The following NACC2 variants were observed in gnomAD, a reference collection of about 807,000 sequenced individuals.
NACC2 encodes nucleus accumbens-associated protein 2.
In NACC2, 8 loss-of-function variants were observed where a neutral mutation model predicts 25.1. The observed-to-expected ratio is 0.32, with a 90% CI of 0.19 to 0.57. The LOEUF (loss-of-function observed/expected upper bound fraction) is 0.57. Ranked by LOEUF, NACC2 falls within the 20% of genes least tolerant of loss-of-function variation. The pLI is 0.89. For missense variants in NACC2, 644 were observed against 650.2 expected, an observed-to-expected ratio of 0.99 and a Z score of 0.10; for synonymous variants, 435 against 294.7, an observed-to-expected ratio of 1.48 and a Z score of -4.88.
At chr9:136,067,407 T>C (rs1250988726) in intron 1 of NACC2, among the ~76,000 whole-genome samples, 2 of 152,200 alleles carry the variant, frequency 1.3e-5, no homozygotes, top group Non-Finnish European at 1.5e-5. Flanking sequence ...ATGGTAATGG[T>C]TGCATAACTC....
Position 136,011,450 on chromosome 9 carries a change from G to C in NACC2, c.*66C>G. 7.7e-7 allele frequency: 1 copy of C among 1,301,036 alleles called. No individual in the cohort carries two copies. The highest frequency in any genetic ancestry group is 9.8e-7 in the Non-Finnish European group (1 of 1,023,096). The allele number at this position is 1,301,036 out of a possible 1,614,324, so 80.6% of individuals were successfully genotyped here. A position where few individuals can be genotyped will look rare whatever the true frequency, so the allele number is the denominator to read the frequency against. ...GTAGGTAAGTGGCTTGATCACATTT[G>C]TTTGTATTAGTAACGCATGCAAGCA... On this transcript the variant is annotated 3_prime_UTR_variant, in exon 6 of 6. Coordinates refer to ENST00000277554, the MANE Select transcript of NACC2 (RefSeq NM_144653.5).
chr9:136,035,449 G>A (rs1185734067), intron 2 of NACC2, among the ~76,000 whole-genome samples: 4 of 152,010 alleles, frequency 2.6e-5, no homozygotes, highest in African/African-American at 4.8e-5. Context: ...AATGAACTGC[G>A]CTTTTCAAAG....
At chr9:136,077,698 C>T (rs867616549) in intron 1 of NACC2, among the ~76,000 whole-genome samples, 1 of 152,122 alleles carries the variant, frequency 6.6e-6, no homozygotes, top group African/African-American at 2.4e-5. Flanking sequence ...TGTGGTCACC[C>T]GGGAAATGCG....
Position 136,066,341 on chromosome 9 carries a change from G to A in NACC2, c.-59-15761C>T, listed in dbSNP as rs147487728. Among the ~76,000 whole-genome samples the A allele has an allele frequency of 4.6e-3, 707 of 152,162 alleles. 16 individuals are homozygous for A. Among genetic ancestry groups the A allele is most frequent in the Admixed American group, 0.033 (506 of 15,270 alleles). ...ATAACTCAATTTAAAAATAGGCAAG[G>A]CATCTGAAAAGGTATTTCTCCAAAT... On this transcript the variant is annotated intron_variant, in intron 1 of 5. Transcript: ENST00000277554.
chr9:136,021,408 G>T (rs540880731), intron 2 of NACC2, among the ~76,000 whole-genome samples: 1 of 152,060 alleles, frequency 6.6e-6, no homozygotes, highest in African/African-American at 2.4e-5. Context: ...ACGTCCTGAC[G>T]ACGTGGTCTC....
At chr9:136,093,401 G>A (rs900702087) in intron 1 of NACC2, among the ~76,000 whole-genome samples, 1 of 152,174 alleles carries the variant, frequency 6.6e-6, no homozygotes, top group Non-Finnish European at 1.5e-5. Flanking sequence ...GCAGCCGGTG[G>A]TAAAGAACAG....
intron 1 of NACC2, among the ~76,000 whole-genome samples, chr9:136,089,546 C>G (rs1426859571): frequency 6.6e-6 from 1 of 151,888 alleles, no homozygotes; most frequent in Non-Finnish European, 1.5e-5. Context: ...GGCCTCTCCC[C>G]AAGAAGGTGA....
At chr9:136,089,457 G>A (rs1338676596) in intron 1 of NACC2, among the ~76,000 whole-genome samples, 2 of 152,028 alleles carry the variant, frequency 1.3e-5, no homozygotes, top group African/African-American at 4.8e-5. Context: ...TTCAGGTTCT[G>A]CTCTGCCTGA....
At chr9:136,044,926 G>A (rs1387878963) in intron 2 of NACC2, among the ~76,000 whole-genome samples, 2 of 152,202 alleles carry the variant, frequency 1.3e-5, no homozygotes, top group African/African-American at 4.8e-5. Flanking sequence ...GGGATGGACG[G>A]GGCCAGTGCT....
At chr9:136,035,879 C>T (rs1840544057) in intron 2 of NACC2, among the ~76,000 whole-genome samples, 1 of 152,314 alleles carries the variant, frequency 6.6e-6, no homozygotes, top group East Asian at 1.9e-4. Flanking sequence ...ACTTATCTTA[C>T]AACTTTTCTG....
At chr9:136,074,556 T>A (rs902133723) in intron 1 of NACC2, among the ~76,000 whole-genome samples, 1 of 151,018 alleles carries the variant, frequency 6.6e-6, no homozygotes, top group Admixed American at 6.6e-5. Context: ...TATTTAAAAT[T>A]ATGTATCATC....
rs1050060557 is a variant in NACC2 at position 136,016,377 on chromosome 9, G to T, written c.939C>A (p.Ile313=). The T allele has an allele frequency of 6.2e-7, 1 of 1,611,724 alleles. No individual in the cohort carries two copies. The highest frequency in any genetic ancestry group is 8.5e-7 in the Non-Finnish European group (1 of 1,179,928). Residue 313 remains isoleucine, a synonymous_variant, in exon 3 of 6, where the codon ATC becomes ATA. Coordinates refer to ENST00000277554, the MANE Select transcript of NACC2 (RefSeq NM_144653.5). ...VPLESRSCVL[I]RRDLVALPAS... ...CAGGTAGGGCCACGAGGTCGCGGCG[G>T]ATGAGGACGCAGGAGCGGCTCTCCA...
At chr9:136,037,052 G>C (rs1307555792) in intron 2 of NACC2, among the ~76,000 whole-genome samples, 1 of 152,118 alleles carries the variant, frequency 6.6e-6, no homozygotes, top group Non-Finnish European at 1.5e-5. Context: ...CAATCCAGAA[G>C]ACAAAGAATA....
chr9:136,085,670 A>T (rs573111411), intron 1 of NACC2, among the ~76,000 whole-genome samples: 1 of 152,346 alleles, frequency 6.6e-6, no homozygotes, highest in South Asian at 2.1e-4. Flanking sequence ...CTGGAACAAG[A>T]CACACAGGTA....
chr9:136,016,798 C>T (rs1289704154), intron 2 of NACC2, among the ~76,000 whole-genome samples: 1 of 152,168 alleles, frequency 6.6e-6, no homozygotes, highest in East Asian at 1.9e-4. Flanking sequence ...CAGCTCAGTG[C>T]TTGGGTCCCC....
intron 1 of NACC2, among the ~76,000 whole-genome samples, chr9:136,092,204 G>A (rs1830440384): frequency 6.6e-6 from 1 of 152,238 alleles, no homozygotes; most frequent in Non-Finnish European, 1.5e-5. Context: ...GAGGGTGCCA[G>A]GAAAGGAACG....
chr9:136,016,348 C>T lies in NACC2; in HGVS notation c.968G>A (p.Ser323Asn). The T allele has an allele frequency of 6.2e-7, 1 of 1,612,428 alleles. No homozygotes were observed. The highest frequency in any genetic ancestry group is 2.2e-5 in the East Asian group (1 of 44,878). The change falls in exon 3 of 6, where the codon AGC (serine) becomes AAC (asparagine). Residue 323 changes from serine (S) to asparagine (N), a missense_variant. Coordinates refer to ENST00000277554, the MANE Select transcript of NACC2 (RefSeq NM_144653.5). ...IRRDLVALPASLISQIGYRCH... is the reference protein window; with the variant it reads ...IRRDLVALPANLISQIGYRCH... ...GCGGTATCCGATCTGGCTGATGAGG[C>T]TGGCAGGTAGGGCCACGAGGTCGCG... is the stretch of plus-strand genomic sequence containing the variant.
intron 2 of NACC2, among the ~76,000 whole-genome samples, chr9:136,024,524 TGTGTGTGTGGACA>T (rs1169295560): frequency 1.1e-4 from 16 of 141,684 alleles, no homozygotes; most frequent in African/African-American, 4.3e-4. Context: ...TGTGTGTGTG[TGTGTGTGTGGACA>T]GTGTGTGTGA....
chr9:136,087,103 G>A (rs1830387164), intron 1 of NACC2, among the ~76,000 whole-genome samples: 1 of 152,252 alleles, frequency 6.6e-6, no homozygotes, highest in South Asian at 2.1e-4. Flanking sequence ...GAGGACGGAG[G>A]CAGAGACTGG....
Sources: allele counts gnomAD v4.1 joint callset (sites outside exome capture counted in the v4.1 genomes callset), GRCh38; gene constraint gnomAD v4.1.1; transcripts MANE v1.5; gene names NCBI Gene and HGNC (gene_info 2026-07-23, HGNC 2026-07-21).